STXBP4: variants seen among roughly 807,000 people sequenced by gnomAD.
STXBP4 encodes the protein syntaxin-binding protein 4.
In STXBP4, 55 loss-of-function variants were observed where a neutral mutation model predicts 76.1. The ratio of observed to expected loss-of-function variants is 0.72; its 90% CI spans 0.58 to 0.91. The LOEUF is 0.91. Ranked by LOEUF, STXBP4 falls within the 40% of genes least tolerant of loss-of-function variation. STXBP4 has a pLI of 0.00. For synonymous variants in STXBP4, 201 were observed against 220.2 expected (o/e 0.91, Z 0.77); for missense variants, 618 against 636.9 (o/e 0.97, Z 0.32).
At chr17:54,998,561 C>T (rs1475943703) in intron 4 of STXBP4, among the ~76,000 whole-genome samples, 1 of 152,194 alleles carries the variant, frequency 6.6e-6, no homozygotes, top group Non-Finnish European at 1.5e-5. Flanking sequence ...CAACACCAGG[C>T]AGCCAGTTAG....
At chr17:55,187,045 T>C in the STXBP4 span, among the ~76,000 whole-genome samples, 1 of 152,232 alleles carries the variant, frequency 6.6e-6, no homozygotes, top group African/African-American at 2.4e-5. Context: ...AATACACGGA[T>C]GTCCAGAGCT....
intron 16 of STXBP4, among the ~76,000 whole-genome samples, chr17:55,106,284 C>CA (rs2079633587): frequency 7.0e-6 from 1 of 143,042 alleles, no homozygotes; most frequent in South Asian, 2.2e-4. Flanking sequence ...GCAACCCCTG[C>CA]TTTTTTTTTT....
At chr17:55,023,690 G>GA (rs747622483) in intron 8 of STXBP4, among the ~76,000 whole-genome samples, 16 of 151,166 alleles carry the variant, frequency 1.1e-4, no homozygotes, top group Admixed American at 2.0e-4. Context: ...TAGGAAGGAA[G>GA]AAAAAAAAGA....
intron 16 of STXBP4, among the ~76,000 whole-genome samples, chr17:55,112,487 CAA>C (rs1388733985): frequency 1.3e-5 from 2 of 151,990 alleles, no homozygotes; most frequent in Non-Finnish European, 2.9e-5. Flanking sequence ...CAATAATTGA[CAA>C]GAGAAACAAT....
chr17:55,031,764 A>G (rs112271065), intron 9 of STXBP4, among the ~76,000 whole-genome samples: 1 of 152,270 alleles, frequency 6.6e-6, no homozygotes, highest in African/African-American at 2.4e-5. Context: ...GAACCCACAT[A>G]TAGTAAAAGT....
intron 8 of STXBP4, among the ~76,000 whole-genome samples, chr17:55,024,919 C>T (rs545332918): frequency 2.7e-4 from 41 of 152,076 alleles, no homozygotes; most frequent in South Asian, 1.0e-3. Context: ...AGGTGGATCA[C>T]GAGGTCAGGA....
At chr17:55,072,759 A>G (rs1384736343) in intron 12 of STXBP4, 141 bp from the exon 13 acceptor site, 7 of 577,246 alleles carry the variant, frequency 1.2e-5, no homozygotes, top group Non-Finnish European at 1.9e-5. Flanking sequence ...CATAACTATT[A>G]ATTTTCAAAT....
At chr17:54,993,930 C>A (rs568014723) in intron 4 of STXBP4, among the ~76,000 whole-genome samples, 21 of 152,216 alleles carry the variant, frequency 1.4e-4, no homozygotes, top group African/African-American at 5.1e-4. Flanking sequence ...AAGAAATTTT[C>A]TTTAATTATT....
rs928970980 is a variant in STXBP4, at chr17:54,968,765, A to G, written c.-207A>G. 6 of 1,234,926 alleles carry G rather than the reference A, an allele frequency of 4.9e-6. No individual in the cohort carries two copies. 76.5% of individuals were successfully genotyped at this position (1,234,926 alleles called of 1,614,324 possible). A position where few individuals can be genotyped will look rare whatever the true frequency, so the allele number is the denominator to read the frequency against. On this transcript the variant is annotated 5_prime_UTR_variant, in exon 1 of 18. Coordinates refer to ENST00000376352, the MANE Select transcript of STXBP4 (RefSeq NM_178509.6). ...CGCTGCCTTGGCTACCAGGCTCCTC[A>G]GGTGGCAGCGCTTGCAGTCGGGCTA...
the STXBP4 span, among the ~76,000 whole-genome samples, chr17:55,192,976 A>G: frequency 6.6e-6 from 1 of 152,328 alleles, no homozygotes; most frequent in East Asian, 1.9e-4. Context: ...TCTGACTGCA[A>G]ATACCATGCA....
chr17:55,133,320 G>A (rs2079992658), intron 16 of STXBP4, among the ~76,000 whole-genome samples: 1 of 152,072 alleles, frequency 6.6e-6, no homozygotes, highest in Non-Finnish European at 1.5e-5. Context: ...AAATTGATGG[G>A]GAGAGCTGAG....
chr17:55,141,348 G>A lies in STXBP4; in HGVS notation c.1528G>A (p.Gly510Arg). The A allele has an allele frequency of 6.2e-7, 1 of 1,612,020 alleles. No individual in the cohort carries two copies. Among genetic ancestry groups the A allele is most frequent in the Non-Finnish European group, 8.5e-7 (1 of 1,178,954 alleles). Residue 510 changes from glycine to arginine, a missense_variant, in exon 17 of 18, where the codon GGA becomes AGA. By Grantham distance (125) the Gly-to-Arg change is moderately radical (BLOSUM62 -2). Transcript: ENST00000376352. ...GTGGGAGGAAGCTTACACAGCAGAT[G>A]GAATCAAGTACTTCATCAAGTAAGT... is the stretch of plus-strand genomic sequence containing the variant. The part of the protein sequence containing the change: ...YGWEEAYTAD[G>R]IKYFINHVTQ...
intron 8 of STXBP4, among the ~76,000 whole-genome samples, chr17:55,007,842 T>C (rs2078036674): frequency 6.6e-6 from 1 of 152,208 alleles, no homozygotes; most frequent in Non-Finnish European, 1.5e-5. Context: ...GATCAAATAG[T>C]TTTCTCCTCG....
intron 12 of STXBP4, among the ~76,000 whole-genome samples, chr17:55,055,333 C>T (rs539183516): frequency 2.6e-5 from 4 of 152,134 alleles, no homozygotes; most frequent in Non-Finnish European, 5.9e-5. Flanking sequence ...ACTGTCTCCA[C>T]GTATAATCTG....
intron 12 of STXBP4, among the ~76,000 whole-genome samples, chr17:55,051,187 G>A (rs777977061): frequency 6.6e-6 from 1 of 151,938 alleles, no homozygotes; most frequent in South Asian, 2.1e-4. Flanking sequence ...TTACTTTTGT[G>A]TACATGTTAA....
chr17:55,031,407 C>A, intron 9 of STXBP4, 143 bp downstream of exon 9: 1 of 623,806 alleles, frequency 1.6e-6, no homozygotes, highest in Non-Finnish European at 2.7e-6. Context: ...TTAATCAGTA[C>A]CCAAAGAACT....
chr17:55,072,909 G>A lies in STXBP4; in HGVS notation c.1021G>A (p.Ala341Thr). 4.4e-6 allele frequency: 7 copies of A among 1,603,036 alleles called. No individual in the cohort carries two copies. The highest frequency in any genetic ancestry group is 6.0e-6 in the Non-Finnish European group (7 of 1,176,294). ...ELQNVKQEAK[A>T]VVEETRALRS... ...ATTTTGAAATCTTTAGGAAGCCAAA[G>A]CTGTAGTTGAAGAAACAAGAGCCCT... Residue 341 changes from alanine to threonine, a missense_variant, in exon 13 of 18, where the codon GCT (alanine) becomes ACT (threonine). By Grantham distance (58) the Ala-to-Thr change is moderately conservative. Transcript: ENST00000376352.
chr17:55,199,297 T>C, the STXBP4 span, among the ~76,000 whole-genome samples: 27 of 152,244 alleles, frequency 1.8e-4, no homozygotes, highest in Middle Eastern at 3.2e-3. Flanking sequence ...ATTCATATTC[T>C]TGCTGAAAAC....
intron 7 of STXBP4, 38 bp from the exon 8 acceptor site, chr17:55,007,468 T>C: frequency 6.7e-7 from 1 of 1,483,524 alleles, no homozygotes; most frequent in South Asian, 1.2e-5. Context: ...TCGATTCCAA[T>C]TAAGTTCCCA....
Sources: allele counts gnomAD v4.1 joint callset (sites outside exome capture counted in the v4.1 genomes callset), GRCh38; gene constraint gnomAD v4.1.1; transcripts MANE v1.5; gene names NCBI Gene and HGNC (gene_info 2026-07-23, HGNC 2026-07-21).